Variants in ZNF418 observed in about 807,000 individuals in gnomAD.
The protein encoded by ZNF418 is zinc finger protein 418.
A neutral mutation model predicts 32.0 loss-of-function variants in ZNF418; 32 were observed. The ratio of observed to expected loss-of-function variants is 1.00; its 90% CI spans 0.75 to 1.34. ZNF418 has a LOEUF of 1.34. ZNF418 is among the 40% of genes most tolerant of loss of function. The probability of loss-of-function intolerance (pLI) is 0.00; values close to 1 mark genes in which losing one functional copy is unlikely to be tolerated. For synonymous variants in ZNF418, 276 were observed against 270.7 expected (o/e 1.02, Z -0.19); for missense variants, 804 against 812.5 (o/e 0.99, Z 0.13).
chr19:57,929,169 C>A (rs1397288022), intron 3 of ZNF418, among the ~76,000 whole-genome samples: 1 of 152,118 alleles, frequency 6.6e-6, no homozygotes, highest in Non-Finnish European at 1.5e-5. Context: ...GTACAAGTGA[C>A]AAGGTGTACA....
At chr19:57,931,709 T>C (rs1409084609) in intron 2 of ZNF418, among the ~76,000 whole-genome samples, 1 of 152,184 alleles carries the variant, frequency 6.6e-6, no homozygotes, top group African/African-American at 2.4e-5. Flanking sequence ...GCCTCAGCCT[T>C]CTGTGGAGAT....
At chr19:57,930,808 C>T (rs1490063807) in intron 2 of ZNF418, among the ~76,000 whole-genome samples, 2 of 152,262 alleles carry the variant, frequency 1.3e-5, no homozygotes, top group South Asian at 2.1e-4. Context: ...GACAGAGTCT[C>T]GCTCTGTCAC....
chr19:57,933,522 A>G (rs1173873314), intron 2 of ZNF418, among the ~76,000 whole-genome samples: 1 of 152,182 alleles, frequency 6.6e-6, no homozygotes, highest in Non-Finnish European at 1.5e-5. Flanking sequence ...GGAGATTGAG[A>G]CTATCCTGGC....
intron 1 of ZNF418, 178 bp downstream of exon 1, chr19:57,934,983 T>G: frequency 7.0e-7 from 1 of 1,424,198 alleles, no homozygotes. Flanking sequence ...CCGGTCCCTG[T>G]GCCTGTCGCT....
Position 57,927,608 on chromosome 19 carries a change from C to T in ZNF418, c.573G>A (p.Glu191=). The T allele has an allele frequency of 6.2e-7, 1 of 1,614,048 alleles. No individual in the cohort carries two copies. Among genetic ancestry groups the T allele is most frequent in the Non-Finnish European group, 8.5e-7 (1 of 1,179,906 alleles). The change falls in exon 4 of 6, where the codon GAG becomes GAA. Residue 191 remains glutamate, a synonymous_variant. Coordinates refer to ENST00000396147, the MANE Select transcript of ZNF418 (RefSeq NM_133460.3). The part of the protein sequence containing the change: ...HTGEKSNSKP[E]CESPFQWGDT... Reference sequence around the variant, plus strand: ...CTCCCCACTGAAAGGGAGACTCACACTCAGGTTTGCTGTTTGACTTCTCCC... The same window carrying T: ...CTCCCCACTGAAAGGGAGACTCACATTCAGGTTTGCTGTTTGACTTCTCCC...
At position 57,927,840 on chromosome 19, in the gene ZNF418, G is replaced by A; in HGVS notation, c.341C>T (p.Ala114Val). 1 of 1,613,944 alleles carries A rather than the reference G, an allele frequency of 6.2e-7. No homozygotes were observed. The change falls in exon 4 of 6, where the codon GCA becomes GTA. Residue 114 changes from alanine (A) to valine (V), a missense_variant. Physicochemically the swap from Ala to Val is moderately conservative, Grantham distance 64. This residue lies in a region of ZNF418 where 307 missense variants were observed against 304.9 expected (regional missense o/e 1.01). Transcript: ENST00000396147. Reference sequence around the variant, plus strand: ...ACTATCATACAATTTATTCCCCCATGCCTCACACCTGTGCAGTTTCTGCTT... The same window carrying A: ...ACTATCATACAATTTATTCCCCCATACCTCACACCTGTGCAGTTTCTGCTT... ...HHKQKLHRCEAWGNKLYDSSN... is the reference protein window; with the variant it reads ...HHKQKLHRCEVWGNKLYDSSN...
rs1337148828 is a variant in ZNF418, at chr19:57,935,151, G to A, written c.-81+10C>T. The A allele has an allele frequency of 2.3e-6, 3 of 1,316,766 alleles. No homozygotes were observed. Among genetic ancestry groups the A allele is most frequent in the African/African-American group, 1.5e-5 (1 of 66,036 alleles). The allele number at this position is 1,316,766 out of a possible 1,614,324, so 81.6% of individuals were successfully genotyped here. ...ATGAGGTGACCTGAGGGCAGGGAAG[G>A]CACAATTACCTGAGCCGGGAGCCTC... On this transcript the variant is annotated intron_variant, in intron 1 of 5. Transcript: ENST00000396147.
intron 3 of ZNF418, among the ~76,000 whole-genome samples, chr19:57,930,135 C>T (rs1383636316): frequency 6.6e-6 from 1 of 152,144 alleles, no homozygotes; most frequent in African/African-American, 2.4e-5. Context: ...CAGATCTGGA[C>T]AAAGTCAAAC....
Position 57,925,753 on chromosome 19 carries a change from TCTGG to T in ZNF418, c.*393_*396del, listed in dbSNP as rs2072192196. 1 of 184,116 alleles carries T rather than the reference TCTGG, an allele frequency of 5.4e-6. No homozygotes were observed. Among genetic ancestry groups the T allele is most frequent in the Non-Finnish European group, 1.1e-5 (1 of 86,986 alleles). The allele number at this position is 184,116 out of a possible 1,614,324, so 11.4% of individuals were successfully genotyped here. ...CTTTTGCCAGATAACCGACATCATG[TCTGG>T]CAAGGGAACCCGGCAGGGTGAAAAA... On this transcript the variant is annotated 3_prime_UTR_variant, in exon 4 of 6. Coordinates refer to ENST00000396147, the MANE Select transcript of ZNF418 (RefSeq NM_133460.3).
In ZNF418 at chr19:57,926,512, G is replaced by T; in HGVS notation, c.1669C>A (p.Gln557Lys). 1 of 1,614,020 alleles carries T rather than the reference G, an allele frequency of 6.2e-7. No individual in the cohort carries two copies. Among genetic ancestry groups the T allele is most frequent in the East Asian group, 2.2e-5 (1 of 44,868 alleles). The change falls in exon 4 of 6, where the codon CAG (glutamine) becomes AAG (lysine). Residue 557 changes from glutamine (Q) to lysine (K), a missense_variant. Physicochemically the swap from Gln to Lys is moderately conservative, Grantham distance 53 (BLOSUM62 1). Coordinates refer to ENST00000396147, the MANE Select transcript of ZNF418 (RefSeq NM_133460.3). ...GGTCTTTCTGCAGTGTGAGTTTTCT[G>T]ATGTCGAAGGAGGGAAGAGCTCTGA... ...FHQSSSLLRH[Q>K]KTHTAERPYE...
Position 57,927,767 on chromosome 19 carries a change from T to G in ZNF418, c.414A>C (p.Arg138Ser). ...CAAACAATGCTTCCTCAACACTGCT[T>G]CTATAGGGTTTCTCTCCAAGGTACT... ...QNQYLGEKPYRSSVEEALFVK... is the reference protein window; with the variant it reads ...QNQYLGEKPYSSSVEEALFVK... Residue 138 changes from arginine (R) to serine (S), a missense_variant, in exon 4 of 6, where the codon AGA becomes AGC. By Grantham distance (110) the Arg-to-Ser change is moderately radical. Coordinates refer to ENST00000396147, the MANE Select transcript of ZNF418 (RefSeq NM_133460.3). 6.2e-7 allele frequency: 1 copy of G among 1,614,222 alleles called. No individual in the cohort carries two copies. Among genetic ancestry groups the G allele is most frequent in the Non-Finnish European group, 8.5e-7 (1 of 1,180,038 alleles).
intron 3 of ZNF418, 115 bp downstream of exon 3, chr19:57,930,312 TG>T (rs913312825): frequency 9.9e-6 from 15 of 1,509,650 alleles, no homozygotes; most frequent in Non-Finnish European, 1.3e-5. Context: ...CCCAGAGAAG[TG>T]GAGAAGGAAG....
intron 2 of ZNF418, among the ~76,000 whole-genome samples, chr19:57,931,740 C>G (rs1226877712): frequency 6.6e-6 from 1 of 150,974 alleles, no homozygotes. Flanking sequence ...GTATGTGCAA[C>G]ATCAACCACT....
Position 57,927,617 on chromosome 19 carries a change from G to A in ZNF418, c.564C>T (p.Ser188=), listed in dbSNP as rs2072299522. 1 of 1,614,004 alleles carries A rather than the reference G, an allele frequency of 6.2e-7. No individual in the cohort carries two copies. The highest frequency in any genetic ancestry group is 8.5e-7 in the Non-Finnish European group (1 of 1,179,908). Residue 188 remains serine (S), a synonymous_variant, in exon 4 of 6, where the codon AGC becomes AGT. Coordinates refer to ENST00000396147, the MANE Select transcript of ZNF418 (RefSeq NM_133460.3). ...GAAAGGGAGACTCACACTCAGGTTTGCTGTTTGACTTCTCCCCAGTGTGAG... is the reference window on the plus strand; with the variant it reads ...GAAAGGGAGACTCACACTCAGGTTTACTGTTTGACTTCTCCCCAGTGTGAG... ...EATHTGEKSN[S]KPECESPFQW... is the part of the protein sequence containing the mutation.
At chr19:57,934,547 C>T (rs2072617385) in intron 1 of ZNF418, among the ~76,000 whole-genome samples, 1 of 152,152 alleles carries the variant, frequency 6.6e-6, no homozygotes, top group Admixed American at 6.5e-5. Context: ...GCTTTTGTAG[C>T]CAGGAGTGTC....
intron 4 of ZNF418, among the ~76,000 whole-genome samples, 166 bp from the exon 5 acceptor site, chr19:57,923,455 C>CAT (rs201906305): frequency 0.01 from 1,528 of 150,874 alleles, 12 homozygotes; most frequent in African/African-American, 0.015. Context: ...TATATACACA[C>CAT]ATATATATAC....
chr19:57,929,226 C>G (rs533784289), intron 3 of ZNF418, among the ~76,000 whole-genome samples: 1 of 152,304 alleles, frequency 6.6e-6, no homozygotes, highest in African/African-American at 2.4e-5. Context: ...AAGACAGAAA[C>G]AGTGCCTACT....
In ZNF418 at chr19:57,926,855, A is replaced by C. The variant is rs1195190264; in HGVS notation, c.1326T>G (p.Ile442Met). ...CTCCAGTGTGGCTTCGCTGATGCTG[A>C]ATGAGGTTGCCCTTTCGACTAAAAG... ...GKSFSRKGNL[I>M]QHQRSHTGER... Residue 442 changes from isoleucine to methionine, a missense_variant, in exon 4 of 6, where the codon ATT (isoleucine) becomes ATG (methionine). Physicochemically the swap from Ile to Met is conservative, Grantham distance 10 (BLOSUM62 1). Coordinates refer to ENST00000396147, the MANE Select transcript of ZNF418 (RefSeq NM_133460.3). 1.2e-6 allele frequency: 2 copies of C among 1,614,136 alleles called. No individual in the cohort carries two copies. The highest frequency in any genetic ancestry group is 1.3e-5 in the African/African-American group (1 of 75,018).
chr19:57,929,626 A>T (rs1178507536), intron 3 of ZNF418, among the ~76,000 whole-genome samples: 2 of 152,224 alleles, frequency 1.3e-5, no homozygotes, highest in African/African-American at 4.8e-5. Context: ...GTTTTCAGCA[A>T]CAGTGGTTCA....
Sources: gnomAD v4.1 joint callset for allele counts (sites outside exome capture counted in the v4.1 genomes callset) on GRCh38, gnomAD v4.1.1 for gene constraint, gnomAD v4.1.1 regional missense constraint, MANE v1.5 for transcripts, NCBI Gene and HGNC (gene_info 2026-07-23, HGNC 2026-07-21) for gene names.